The following SEZ6L variants were observed in gnomAD, a reference collection of about 807,000 sequenced individuals.
The protein encoded by SEZ6L is seizure 6-like protein.
SEZ6L carries 37 observed loss-of-function variants against 106.2 expected under a neutral mutation model. The observed-to-expected ratio is 0.35, with a 90% CI of 0.27 to 0.46. SEZ6L has a LOEUF of 0.46. Among genes scored for constraint, SEZ6L ranks in the 20% least tolerant of loss-of-function variants. The pLI is 1.00. For synonymous variants in SEZ6L, 541 were observed against 570.4 expected (o/e 0.95, Z 0.73); for missense variants, 1,172 against 1,332.8 (o/e 0.88, Z 1.88).
At chr22:26,297,144 ATTTTAAAACT>A in intron 4 of SEZ6L, 64 bp downstream of exon 4, 1 of 1,390,362 alleles carries the variant, frequency 7.2e-7, no homozygotes, top group Admixed American at 2.6e-5. Context: ...GGAGAAAAGG[ATTTTAAAACT>A]TTTTGTGCCA....
At chr22:26,285,493 T>A (rs2080907939) in intron 1 of SEZ6L, among the ~76,000 whole-genome samples, 1 of 152,216 alleles carries the variant, frequency 6.6e-6, no homozygotes, top group Non-Finnish European at 1.5e-5. Context: ...TCACTGTGAT[T>A]AATCCAGTGG....
intron 11 of SEZ6L, 24 bp from the exon 12 acceptor site, chr22:26,351,028 T>G (rs2146021990): frequency 3.8e-6 from 6 of 1,597,414 alleles, no homozygotes; most frequent in Non-Finnish European, 5.1e-6. Context: ...TGACGTCCTC[T>G]TGGTCTGGTT....
At chr22:26,317,621 A>G (rs1411079954) in intron 9 of SEZ6L, among the ~76,000 whole-genome samples, 1 of 152,038 alleles carries the variant, frequency 6.6e-6, no homozygotes, top group African/African-American at 2.4e-5. Flanking sequence ...TATTTCTACC[A>G]CTAAGCATGC....
intron 1 of SEZ6L, among the ~76,000 whole-genome samples, chr22:26,292,051 A>AAG (rs2081135560): frequency 1.4e-5 from 2 of 146,420 alleles, no homozygotes; most frequent in African/African-American, 2.5e-5. Context: ...ATGGAAGGAA[A>AAG]GAAGGAAGGA....
At chr22:26,268,648 C>T (rs2080263832) in intron 1 of SEZ6L, among the ~76,000 whole-genome samples, 1 of 152,192 alleles carries the variant, frequency 6.6e-6, no homozygotes, top group African/African-American at 2.4e-5. Context: ...GCACAACTGA[C>T]ATTCGGGATG....
At chr22:26,200,834 G>T (rs1253142862) in intron 1 of SEZ6L, among the ~76,000 whole-genome samples, 2 of 151,876 alleles carry the variant, frequency 1.3e-5, no homozygotes, top group Admixed American at 6.6e-5. Context: ...TCCTACAATC[G>T]CTCTCTGCTT....
At chr22:26,278,671 G>A (rs1479635104) in intron 1 of SEZ6L, among the ~76,000 whole-genome samples, 2 of 152,018 alleles carry the variant, frequency 1.3e-5, no homozygotes, top group Non-Finnish European at 1.5e-5. Context: ...GGCTTCTCTT[G>A]TGGTGGGACC....
At chr22:26,210,003 A>AGGG (rs2078110554) in intron 1 of SEZ6L, among the ~76,000 whole-genome samples, 8 of 139,302 alleles carry the variant, frequency 5.7e-5, no homozygotes, top group East Asian at 2.6e-4. Context: ...GGAAGGAAGG[A>AGGG]AGAAGGATGG....
At chr22:26,314,192 A>T (rs1261029810) in intron 9 of SEZ6L, among the ~76,000 whole-genome samples, 2 of 152,202 alleles carry the variant, frequency 1.3e-5, no homozygotes. Flanking sequence ...AAATAATTGC[A>T]TACTCTAACT....
intron 13 of SEZ6L, among the ~76,000 whole-genome samples, chr22:26,371,402 G>T (rs867024582): frequency 6.6e-6 from 1 of 151,998 alleles, no homozygotes; most frequent in Non-Finnish European, 1.5e-5. Flanking sequence ...CCACCTCCTC[G>T]CCAGCACTGT....
chr22:26,348,562 G>GAAA (rs1569473304), intron 11 of SEZ6L, among the ~76,000 whole-genome samples: 4 of 46,936 alleles, frequency 8.5e-5, no homozygotes, highest in Middle Eastern at 0.012. Flanking sequence ...AGGAAGGAAG[G>GAAA]GAGGAAAGAA....
chr22:26,172,384 G>C (rs1266293157), intron 1 of SEZ6L, among the ~76,000 whole-genome samples: 1 of 152,152 alleles, frequency 6.6e-6, no homozygotes, highest in Non-Finnish European at 1.5e-5. Flanking sequence ...GCTCAGTTAG[G>C]TATTAAGAAA....
intron 1 of SEZ6L, among the ~76,000 whole-genome samples, chr22:26,263,261 G>T (rs2080075243): frequency 6.6e-6 from 1 of 152,218 alleles, no homozygotes; most frequent in Non-Finnish European, 1.5e-5. Flanking sequence ...CTGGAGGCAA[G>T]TATGTTTACT....
chr22:26,237,221 T>C (rs549795478), intron 1 of SEZ6L, among the ~76,000 whole-genome samples: 1 of 152,352 alleles, frequency 6.6e-6, no homozygotes, highest in South Asian at 2.1e-4. Context: ...ACGTAAAGCT[T>C]CTTAGCACTG....
rs77238721 is a variant in SEZ6L, at chr22:26,322,300, C to G, written c.2015+8398C>G. 3.7e-3 allele frequency among the ~76,000 whole-genome samples: 561 copies of G among 152,218 alleles called. 2 individuals are homozygous for G. The highest frequency in any genetic ancestry group is 0.013 in the African/African-American group (546 of 41,524). On this transcript the variant is annotated intron_variant, in intron 9 of 16. Transcript: ENST00000248933. Reference sequence around the variant, plus strand: ...CCTCAGGTCACACAGCTAGTAAAGACGGAGCACACACCGTAGCCTCCACTT... The same window carrying G: ...CCTCAGGTCACACAGCTAGTAAAGAGGGAGCACACACCGTAGCCTCCACTT...
chr22:26,322,017 G>A (rs766415536), intron 9 of SEZ6L, among the ~76,000 whole-genome samples: 2 of 152,158 alleles, frequency 1.3e-5, no homozygotes, highest in Admixed American at 6.6e-5. Flanking sequence ...GTTTAGGTCC[G>A]TGAGCAATAA....
chr22:26,310,024 C>A (rs987439560), intron 6 of SEZ6L, among the ~76,000 whole-genome samples: 5 of 152,192 alleles, frequency 3.3e-5, no homozygotes, highest in Non-Finnish European at 5.9e-5. Flanking sequence ...CAAAAGCCAC[C>A]ATTTAGGCAA....
intron 1 of SEZ6L, among the ~76,000 whole-genome samples, chr22:26,185,449 GC>G (rs1297818157): frequency 9.9e-5 from 15 of 152,104 alleles, no homozygotes; most frequent in Admixed American, 9.8e-4. Context: ...AAATTTAGTG[GC>G]CTGGGCTGAA....
At chr22:26,253,464 C>T (rs187538941) in intron 1 of SEZ6L, among the ~76,000 whole-genome samples, 61 of 152,278 alleles carry the variant, frequency 4.0e-4, no homozygotes, top group African/African-American at 1.3e-3. Context: ...CCTTTCTCAA[C>T]GTTTTCACCT....
Sources: allele counts gnomAD v4.1 joint callset (sites outside exome capture counted in the v4.1 genomes callset), GRCh38; gene constraint gnomAD v4.1.1; transcripts MANE v1.5; gene names NCBI Gene and HGNC (gene_info 2026-07-23, HGNC 2026-07-21).